The following IGF2BP1 variants were observed in gnomAD, a reference collection of about 807,000 sequenced individuals.
IGF2BP1 encodes insulin-like growth factor 2 mRNA-binding protein 1.
IGF2BP1 carries 11 observed loss-of-function variants against 74.9 expected under a neutral mutation model. That is an observed-to-expected ratio of 0.15 (90% CI 0.09 to 0.24). IGF2BP1 has a LOEUF of 0.24. Among genes scored for constraint, IGF2BP1 ranks in the 10% least tolerant of loss-of-function variants. The pLI, the probability that IGF2BP1 is intolerant of heterozygous loss-of-function variation, is 1.00. For synonymous variants in IGF2BP1, 287 were observed against 281.8 expected, an observed-to-expected ratio of 1.02 and a Z score of -0.18; for missense variants, 440 against 757.4, an observed-to-expected ratio of 0.58 and a Z score of 4.92.
rs1314825533 is a variant in IGF2BP1 at position 49,051,038 on chromosome 17, A to G, written c.*1594A>G. 6.6e-6 allele frequency: 1 copy of G among 152,616 alleles called. No individual in the cohort carries two copies. Among genetic ancestry groups the G allele is most frequent in the African/African-American group, 2.4e-5 (1 of 41,456 alleles). The allele number at this position is 152,616 out of a possible 1,614,324, so 9.5% of individuals were successfully genotyped here. A position where few individuals can be genotyped will look rare whatever the true frequency, so the allele number is the denominator to read the frequency against. Reference sequence around the variant, plus strand: ...ACAGTAACAACAAGACAACCGCAACATGTGGGCGTAGTCAGGCAATGCTGT... The same window carrying G: ...ACAGTAACAACAAGACAACCGCAACGTGTGGGCGTAGTCAGGCAATGCTGT... On this transcript the variant is annotated 3_prime_UTR_variant, in exon 15 of 15. Coordinates refer to ENST00000290341, the MANE Select transcript of IGF2BP1 (RefSeq NM_006546.4).
At chr17:49,041,235 A>G (rs1322076405) in intron 7 of IGF2BP1, 143 bp from the exon 8 acceptor site, 2 of 843,940 alleles carry the variant, frequency 2.4e-6, no homozygotes, top group African/African-American at 1.7e-5. Context: ...TAAATCATAC[A>G]TATTTTTAAA....
At chr17:49,028,947 C>T (rs1474836166) in intron 4 of IGF2BP1, among the ~76,000 whole-genome samples, 1 of 152,116 alleles carries the variant, frequency 6.6e-6, no homozygotes, top group African/African-American at 2.4e-5. Context: ...GCTGGGATTA[C>T]AGGCACCCAC....
intron 2 of IGF2BP1, among the ~76,000 whole-genome samples, chr17:49,004,190 C>T (rs921067186): frequency 2.6e-5 from 4 of 152,198 alleles, no homozygotes; most frequent in Admixed American, 2.0e-4. Context: ...GAGGACTTCC[C>T]CTCTCAGATC....
At chr17:49,026,666 T>A (rs1286774432) in intron 4 of IGF2BP1, 149 bp downstream of exon 4, 1 of 637,034 alleles carries the variant, frequency 1.6e-6, no homozygotes, top group Non-Finnish European at 2.8e-6. Context: ...CCTGCCTTCC[T>A]GCCTTCCTTC....
At chr17:49,001,660 C>A (rs1006202898) in intron 2 of IGF2BP1, among the ~76,000 whole-genome samples, 8 of 152,128 alleles carry the variant, frequency 5.3e-5, no homozygotes, top group Non-Finnish European at 8.8e-5. Context: ...ATACTAATTT[C>A]TTAGAGATCA....
chr17:49,049,466 G>A lies in IGF2BP1; in HGVS notation c.*22G>A, dbSNP rs199893342. 25 of 1,601,974 alleles carry A rather than the reference G, an allele frequency of 1.6e-5. 1 individual carries two copies. In the East Asian group the frequency reaches 2.5e-4, roughly 16 times the overall value. Reference sequence around the variant, plus strand: ...GTGACCAGCCCCTCCCTGTCCCTTCGAGTCCAGGACAACAACGGGCAGAAA... The same window carrying A: ...GTGACCAGCCCCTCCCTGTCCCTTCAAGTCCAGGACAACAACGGGCAGAAA... On this transcript the variant is annotated 3_prime_UTR_variant, in exon 15 of 15. Transcript: ENST00000290341.
At chr17:49,025,928 T>G (rs1391383799) in intron 3 of IGF2BP1, among the ~76,000 whole-genome samples, 1 of 149,922 alleles carries the variant, frequency 6.7e-6, no homozygotes, top group Non-Finnish European at 1.5e-5. Flanking sequence ...CGATCTCGAC[T>G]CACTGCATCC....
intron 2 of IGF2BP1, 66 bp from the exon 3 acceptor site, chr17:49,025,552 C>A: frequency 1.5e-6 from 2 of 1,369,156 alleles, no homozygotes; most frequent in Non-Finnish European, 2.1e-6. Context: ...GGATTAGAAA[C>A]TGCGAGTTCA....
chr17:49,044,118 GAA>G, intron 11 of IGF2BP1, 32 bp downstream of exon 11: 1 of 1,610,262 alleles, frequency 6.2e-7, no homozygotes, highest in Non-Finnish European at 8.5e-7. Context: ...CCTGTTTCTG[GAA>G]AGGGAGGGGT....
chr17:49,023,937 A>T (rs1270174633), intron 2 of IGF2BP1, among the ~76,000 whole-genome samples: 2 of 147,968 alleles, frequency 1.4e-5, no homozygotes, highest in African/African-American at 2.5e-5. Flanking sequence ...TTTTTTTTTT[A>T]AACAAGTCTC....
At chr17:49,032,362 A>G (rs1413820553) in intron 5 of IGF2BP1, among the ~76,000 whole-genome samples, 2 of 151,960 alleles carry the variant, frequency 1.3e-5, no homozygotes, top group East Asian at 1.9e-4. Context: ...ATGAGGGGGA[A>G]CTTCGGGGTT....
intron 3 of IGF2BP1, 44 bp from the exon 4 acceptor site, chr17:49,026,422 T>C (rs756094461): frequency 1.3e-6 from 2 of 1,590,374 alleles, no homozygotes; most frequent in South Asian, 1.1e-5. Context: ...TGCAAGGGTC[T>C]TGGGACTCAG....
At chr17:49,022,654 TG>T (rs764482791) in intron 2 of IGF2BP1, among the ~76,000 whole-genome samples, 41 of 152,166 alleles carry the variant, frequency 2.7e-4, no homozygotes, top group Non-Finnish European at 4.9e-4. Flanking sequence ...ACGATCTGCC[TG>T]CCATTGCTTT....
intron 2 of IGF2BP1, among the ~76,000 whole-genome samples, chr17:49,020,054 GGGGGTGGGGT>G (rs201910112): frequency 5.7e-5 from 8 of 139,310 alleles, no homozygotes; most frequent in African/African-American, 2.2e-4. Context: ...ATTTTTTTGG[GGGGGTGGGGT>G]GGGGTGGGGG....
At chr17:49,006,488 A>G (rs948093330) in intron 2 of IGF2BP1, among the ~76,000 whole-genome samples, 1 of 152,172 alleles carries the variant, frequency 6.6e-6, no homozygotes, top group Non-Finnish European at 1.5e-5. Context: ...TCTTATTGTT[A>G]TTATTTTGTT....
At chr17:49,029,151 C>T (rs1190775108) in intron 4 of IGF2BP1, among the ~76,000 whole-genome samples, 1 of 137,540 alleles carries the variant, frequency 7.3e-6, no homozygotes, top group Middle Eastern at 3.6e-3. Flanking sequence ...GTCAAATATT[C>T]TGTAGAACTT....
At position 49,022,433 on chromosome 17, in the gene IGF2BP1, G is replaced by A. The variant is rs149759219; in HGVS notation, c.237-3185G>A. 6.5e-3 allele frequency among the ~76,000 whole-genome samples: 989 copies of A among 152,138 alleles called. 6 individuals carry two copies. The highest frequency in any genetic ancestry group is 0.018 in the South Asian group (89 of 4,824). ...CCCCCGCCCCGCCCCTCCCGCTGTT[G>A]TGTTTTAATCAGGGCTGGGGGCTTT... On this transcript the variant is annotated intron_variant, in intron 2 of 14. Transcript: ENST00000290341.
chr17:49,033,262 C>T (rs1392808274), intron 5 of IGF2BP1, among the ~76,000 whole-genome samples: 3 of 152,192 alleles, frequency 2.0e-5, no homozygotes, highest in African/African-American at 4.8e-5. Context: ...AATTCTTGTG[C>T]CTCAGCCTCC....
intron 2 of IGF2BP1, 23 bp downstream of exon 2, chr17:48,999,192 G>A: frequency 2.7e-6 from 2 of 748,894 alleles, no homozygotes; most frequent in Admixed American, 2.2e-5. Flanking sequence ...TCTTTTCGGG[G>A]GGGGTGGGGG....
Sources: gnomAD v4.1 joint callset for allele counts (sites outside exome capture counted in the v4.1 genomes callset) on GRCh38, gnomAD v4.1.1 for gene constraint, MANE v1.5 for transcripts, NCBI Gene and HGNC (gene_info 2026-07-23, HGNC 2026-07-21) for gene names.